Variants in EPS15 observed in about 807,000 individuals in gnomAD.
EPS15 encodes the protein epidermal growth factor receptor pathway substrate 15.
EPS15 carries 72 observed loss-of-function variants against 113.8 expected under a neutral mutation model. The ratio of observed to expected loss-of-function variants is 0.63; its 90% CI spans 0.52 to 0.77. The LOEUF is 0.77. Ranked by LOEUF, EPS15 falls within the 30% of genes least tolerant of loss-of-function variation. EPS15 has a pLI of 0.00. For missense variants in EPS15, 1,048 were observed against 1,045.8 expected, an observed-to-expected ratio of 1.00 and a Z score of -0.03; for synonymous variants, 344 against 363.4, an observed-to-expected ratio of 0.95 and a Z score of 0.61.
intron 13 of EPS15, among the ~76,000 whole-genome samples, chr1:51,421,253 A>G (rs1025948826): frequency 6.6e-6 from 1 of 152,172 alleles, no homozygotes; most frequent in African/African-American, 2.4e-5. Context: ...TCTTTATGCC[A>G]AAGTTTAAGA....
chr1:51,429,673 T>C (rs2148460366), intron 12 of EPS15, among the ~76,000 whole-genome samples: 1 of 150,250 alleles, frequency 6.7e-6, no homozygotes, highest in East Asian at 1.9e-4. Context: ...TTTTTTGAGA[T>C]GAAGTCTCAC....
In EPS15 at chr1:51,363,946, G is replaced by A. The variant is rs1218221015; in HGVS notation, c.2279C>T (p.Thr760Ile). 5.0e-6 allele frequency: 8 copies of A among 1,613,868 alleles called. No homozygotes were observed. Among genetic ancestry groups the A allele is most frequent in the Non-Finnish European group, 6.8e-6 (8 of 1,179,864 alleles). The change falls in exon 23 of 25, where the codon ACA (threonine) becomes ATA (isoleucine). Residue 760 changes from threonine to isoleucine, a missense_variant. Physicochemically the swap from Thr to Ile is moderately conservative, Grantham distance 89 (BLOSUM62 -1). Transcript: ENST00000371733. ...VVITKNVFEE[T>I]SVKSEDEPPA... The stretch of plus-strand genomic sequence containing the variant: ...GGGTTCATCTTCACTTTTGACCGAT[G>A]TTTCCTCAAATACATTTTTTGTAAT...
intron 1 of EPS15, among the ~76,000 whole-genome samples, chr1:51,483,650 CA>C (rs1295645553): frequency 1.3e-5 from 2 of 151,916 alleles, no homozygotes; most frequent in Non-Finnish European, 2.9e-5. Context: ...TACAAAAATA[CA>C]AAAAATTAGC....
intron 12 of EPS15, among the ~76,000 whole-genome samples, chr1:51,428,415 G>A (rs1175969716): frequency 2.0e-5 from 3 of 152,110 alleles, no homozygotes; most frequent in African/African-American, 7.2e-5. Context: ...AGAGACAAAT[G>A]CATAAAAAAG....
intron 1 of EPS15, among the ~76,000 whole-genome samples, chr1:51,496,662 C>T (rs1186926265): frequency 1.3e-5 from 2 of 152,122 alleles, no homozygotes; most frequent in Non-Finnish European, 2.9e-5. Flanking sequence ...ATAATTTAGG[C>T]CTCACTTCTA....
Position 51,491,855 on chromosome 1 carries a change from TTTAA to T in EPS15, c.34-10545_34-10542del, listed in dbSNP as rs556864101. Among the ~76,000 whole-genome samples, 143 of 139,604 alleles carry T rather than the reference TTTAA, an allele frequency of 1.0e-3. 1 individual carries two copies. The highest frequency in any genetic ancestry group is 3.9e-3 in the African/African-American group (134 of 34,430). 91.6% of individuals were successfully genotyped at this position (139,604 alleles called of 152,430 possible). On this transcript the variant is annotated intron_variant, in intron 1 of 24. Transcript: ENST00000371733. ...CCTCAGCTCTGTAATTCCCAACTCATTTAATTTTTTTTTTTTTTTTTTTTTGAGA... is the reference window on the plus strand; with the variant it reads ...CCTCAGCTCTGTAATTCCCAACTCATTTTTTTTTTTTTTTTTTTTTTGAGA...
At chr1:51,449,450 A>G (rs913554276) in intron 8 of EPS15, among the ~76,000 whole-genome samples, 3 of 152,180 alleles carry the variant, frequency 2.0e-5, no homozygotes, top group African/African-American at 7.2e-5. Flanking sequence ...GGTGGAGGGA[A>G]GAAGAGGTTC....
rs576921936 is a variant in EPS15 at position 51,355,582 on chromosome 1, G to A, written c.*1118C>T. On this transcript the variant is annotated 3_prime_UTR_variant, in exon 25 of 25. Transcript: ENST00000371733. ...TTTTTGCTAGCTTGACAATTTTATA[G>A]GTGAAAAACATGAAGTGAGTAAATA... 132 of 191,432 alleles carry A rather than the reference G, an allele frequency of 6.9e-4. No individual in the cohort carries two copies. The highest frequency in any genetic ancestry group is 9.3e-4 in the Non-Finnish European group (85 of 91,616). 11.9% of individuals were successfully genotyped at this position (191,432 alleles called of 1,614,324 possible). A position where few individuals can be genotyped will look rare whatever the true frequency, so the allele number is the denominator to read the frequency against.
chr1:51,425,670 CAG>C (rs1434914735), intron 12 of EPS15, among the ~76,000 whole-genome samples: 6 of 152,168 alleles, frequency 3.9e-5, no homozygotes, highest in East Asian at 3.8e-4. Context: ...CACAAGCAAA[CAG>C]AGAAAAATCT....
chr1:51,465,846 T>G (rs1384393335), intron 5 of EPS15, among the ~76,000 whole-genome samples: 1 of 151,708 alleles, frequency 6.6e-6, no homozygotes, highest in Non-Finnish European at 1.5e-5. Context: ...AGAAATTAAA[T>G]TATTAGTATG....
chr1:51,475,701 A>G (rs771886532), intron 2 of EPS15, among the ~76,000 whole-genome samples: 4 of 152,166 alleles, frequency 2.6e-5, no homozygotes, highest in Non-Finnish European at 1.5e-5. Flanking sequence ...CCATTTATCA[A>G]TTTTGACTTT....
intron 21 of EPS15, among the ~76,000 whole-genome samples, chr1:51,389,250 C>T (rs1647190120): frequency 6.6e-6 from 1 of 152,036 alleles, no homozygotes; most frequent in Non-Finnish European, 1.5e-5. Flanking sequence ...CAGAAAAGGC[C>T]TTTGACAAAA....
At chr1:51,458,251 T>C (rs1654164650) in intron 8 of EPS15, 1 of 152,494 alleles carries the variant, frequency 6.6e-6, no homozygotes, top group Non-Finnish European at 1.5e-5. Flanking sequence ...AAATTCAAGG[T>C]AGTAATTTCC....
At position 51,380,500 on chromosome 1, in the gene EPS15, T is replaced by TA. The variant is rs756414820; in HGVS notation, c.2119+13880dup. Among the ~76,000 whole-genome samples, 255 of 152,282 alleles carry TA rather than the reference T, an allele frequency of 1.7e-3. 2 individuals carry two copies. Among genetic ancestry groups the TA allele is most frequent in the Admixed American group, 3.7e-3 (56 of 15,296 alleles). ...ATCTTATCAGTTTAAAATAGACTGT[T>TA]ATAATTGTAGGATGTTTTGTGTAAT... On this transcript the variant is annotated intron_variant, in intron 21 of 24. Coordinates refer to ENST00000371733, the MANE Select transcript of EPS15 (RefSeq NM_001981.3).
intron 1 of EPS15, among the ~76,000 whole-genome samples, chr1:51,500,455 T>C (rs1159311155): frequency 1.3e-5 from 2 of 151,926 alleles, no homozygotes; most frequent in East Asian, 3.9e-4. Context: ...CAATATTTGC[T>C]AGTTACTGGT....
At chr1:51,416,743 T>C (rs1414709330) in intron 13 of EPS15, among the ~76,000 whole-genome samples, 2 of 152,018 alleles carry the variant, frequency 1.3e-5, no homozygotes, top group Non-Finnish European at 2.9e-5. Flanking sequence ...CTTTAAAAGT[T>C]ATCTGAAAAG....
At chr1:51,464,688 C>T (rs958305578) in intron 6 of EPS15, among the ~76,000 whole-genome samples, 4 of 151,866 alleles carry the variant, frequency 2.6e-5, no homozygotes, top group African/African-American at 9.7e-5. Context: ...CATTATTTGC[C>T]CAGTCAAGGC....
intron 21 of EPS15, among the ~76,000 whole-genome samples, 171 bp from the exon 22 acceptor site, chr1:51,366,200 T>C (rs544181758): frequency 1.3e-5 from 2 of 152,246 alleles, no homozygotes; most frequent in East Asian, 3.9e-4. Context: ...CCTGAGTAGC[T>C]GGGACTACGG....
intron 21 of EPS15, among the ~76,000 whole-genome samples, chr1:51,382,048 C>T (rs113817207): frequency 0.021 from 3,134 of 152,090 alleles, 56 homozygotes; most frequent in Non-Finnish European, 0.032. Context: ...ATTGACATTC[C>T]TAGATGGGCT....
Sources: gnomAD v4.1 joint callset for allele counts (sites outside exome capture counted in the v4.1 genomes callset) on GRCh38, gnomAD v4.1.1 for gene constraint, MANE v1.5 for transcripts, NCBI Gene and HGNC (gene_info 2026-07-23, HGNC 2026-07-21) for gene names.